The following AP2B1 variants were observed in gnomAD, a reference collection of about 807,000 sequenced individuals.
The protein encoded by AP2B1 is AP-2 complex subunit beta.
A neutral mutation model predicts 102.0 loss-of-function variants in AP2B1; 23 were observed. That is an observed-to-expected ratio of 0.23 (90% CI 0.16 to 0.32). AP2B1 has a LOEUF of 0.32. Among genes scored for constraint, AP2B1 ranks in the 10% least tolerant of loss-of-function variants. AP2B1 has a pLI of 1.00. For synonymous variants in AP2B1, 381 were observed against 421.2 expected (o/e 0.90, Z 1.17); for missense variants, 541 against 1,157.4 (o/e 0.47, Z 7.73).
At chr17:35,699,972 T>C (rs1324567466) in intron 18 of AP2B1, among the ~76,000 whole-genome samples, 1 of 152,104 alleles carries the variant, frequency 6.6e-6, no homozygotes, top group Non-Finnish European at 1.5e-5. Flanking sequence ...GGCACATGCG[T>C]GTAGTTTCAG....
At chr17:35,628,756 T>C (rs191717265) in intron 9 of AP2B1, among the ~76,000 whole-genome samples, 7 of 152,366 alleles carry the variant, frequency 4.6e-5, no homozygotes, top group African/African-American at 1.7e-4. Flanking sequence ...TTTTCCAGTG[T>C]AGTTACATAA....
Position 35,605,697 on chromosome 17 carries a change from C to T in AP2B1, c.144-8C>T, listed in dbSNP as rs372560437. 1.6e-5 allele frequency: 25 copies of T among 1,602,196 alleles called. No homozygotes were observed. The highest frequency in any genetic ancestry group is 1.2e-4 in the Admixed American group (7 of 58,422). The stretch of plus-strand genomic sequence containing the variant: ...ACTTTCCTTTTCTCTTTTACCCTCT[C>T]TTCTCAGTTCTCTCTTTCCAGACGT... On this transcript the variant is annotated splice_region_variant and splice_polypyrimidine_tract_variant and intron_variant, in intron 3 of 21. Transcript: ENST00000610402.
intron 17 of AP2B1, among the ~76,000 whole-genome samples, chr17:35,677,584 T>C (rs533171406): frequency 6.6e-6 from 1 of 152,290 alleles, no homozygotes; most frequent in African/African-American, 2.4e-5. Flanking sequence ...TTTTGGCTAT[T>C]CTTGGTCTTT....
At chr17:35,678,108 C>T (rs9635770) in intron 17 of AP2B1, among the ~76,000 whole-genome samples, 72,931 of 151,918 alleles carry the variant, frequency 0.48, 17,575 homozygotes, top group East Asian at 0.52. Flanking sequence ...GATCTGCCTG[C>T]CCTTGGCCTC....
chr17:35,718,989 C>G (rs1555591518), intron 21 of AP2B1, among the ~76,000 whole-genome samples: 1 of 151,990 alleles, frequency 6.6e-6, no homozygotes, highest in African/African-American at 2.4e-5. Flanking sequence ...ACACAATATT[C>G]TTGATTTTGA....
chr17:35,611,643 TCAG>T (rs1260498072), intron 5 of AP2B1, among the ~76,000 whole-genome samples: 1 of 152,208 alleles, frequency 6.6e-6, no homozygotes, highest in Non-Finnish European at 1.5e-5. Flanking sequence ...GTCCATAAAA[TCAG>T]GTGGCATACG....
At chr17:35,661,002 G>A (rs1246957753) in intron 14 of AP2B1, among the ~76,000 whole-genome samples, 2 of 152,156 alleles carry the variant, frequency 1.3e-5, no homozygotes, top group Non-Finnish European at 2.9e-5. Flanking sequence ...TTGGGAAGCA[G>A]CGTTTAGGTT....
rs916101841 is a variant in AP2B1 at position 35,679,629 on chromosome 17, T to G, written c.2325-3066T>G. 2.6e-5 allele frequency among the ~76,000 whole-genome samples: 4 copies of G among 152,162 alleles called. No homozygotes were observed. In the South Asian group the frequency reaches 8.3e-4, roughly 31 times the overall value. On this transcript the variant is annotated intron_variant, in intron 17 of 21. Transcript: ENST00000610402. The stretch of plus-strand genomic sequence containing the variant: ...GTGAAATTACAGCTTTATAGGGACT[T>G]TTTCCCCCTTGTTTGTTTCCTCTAT...
At chr17:35,589,497 C>T (rs2073013904) in intron 1 of AP2B1, among the ~76,000 whole-genome samples, 1 of 152,150 alleles carries the variant, frequency 6.6e-6, no homozygotes, top group East Asian at 1.9e-4. Context: ...TGCTCAGTTT[C>T]TCTTTTGGGG....
intron 5 of AP2B1, among the ~76,000 whole-genome samples, chr17:35,623,553 A>G (rs2074241079): frequency 1.3e-5 from 2 of 152,188 alleles, no homozygotes; most frequent in African/African-American, 4.8e-5. Context: ...CATTTGAAAT[A>G]CTGTATTTCA....
chr17:35,717,139 G>A (rs1425952657), intron 20 of AP2B1, 56 bp from the exon 21 acceptor site: 45 of 1,582,656 alleles, frequency 2.8e-5, no homozygotes, highest in Non-Finnish European at 3.8e-5. Flanking sequence ...AGAAGAGAGT[G>A]TACATTTGTT....
chr17:35,681,502 CAAGT>C (rs2075821692), intron 17 of AP2B1, among the ~76,000 whole-genome samples: 1 of 152,220 alleles, frequency 6.6e-6, no homozygotes, highest in Non-Finnish European at 1.5e-5. Flanking sequence ...TGGGATCAAG[CAAGT>C]GATTCTCCTA....
chr17:35,591,171 CAAAAAAAAAA>C (rs35271211), intron 1 of AP2B1, among the ~76,000 whole-genome samples: 1,803 of 68,964 alleles, frequency 0.026, 25 homozygotes, highest in Non-Finnish European at 0.042. Context: ...GATTTTGTCT[CAAAAAAAAAA>C]AAAAAAAAAA....
chr17:35,633,522 A>G (rs1477316094), intron 9 of AP2B1, among the ~76,000 whole-genome samples: 1 of 152,192 alleles, frequency 6.6e-6, no homozygotes, highest in Non-Finnish European at 1.5e-5. Context: ...AGAAATTTTC[A>G]GGTGTACAAT....
rs1597991404 is a variant in AP2B1 at position 35,601,450 on chromosome 17, C to T, written c.143+3115C>T. 3.3e-5 allele frequency among the ~76,000 whole-genome samples: 5 copies of T among 152,332 alleles called. No individual in the cohort carries two copies. In the South Asian group the frequency reaches 8.3e-4, roughly 25 times the overall value. ...GTTCAAGGGATTCTCCTGCCTCAGCCTCCTGAGTAGCTGGTACTGTATATG... is the reference window on the plus strand; with the variant it reads ...GTTCAAGGGATTCTCCTGCCTCAGCTTCCTGAGTAGCTGGTACTGTATATG... On this transcript the variant is annotated intron_variant, in intron 3 of 21. Transcript: ENST00000610402.
intron 2 of AP2B1, among the ~76,000 whole-genome samples, chr17:35,595,392 T>A (rs225301): frequency 0.79 from 120,293 of 151,718 alleles, 48,300 homozygotes; most frequent in East Asian, 0.97. Flanking sequence ...AAAAAAAATT[T>A]AAAAATTAGC....
chr17:35,589,881 T>A (rs898474600), intron 1 of AP2B1, among the ~76,000 whole-genome samples: 2 of 152,100 alleles, frequency 1.3e-5, no homozygotes, highest in African/African-American at 4.8e-5. Flanking sequence ...ATATTAGATT[T>A]TTTTTTTCTT....
chr17:35,697,317 G>T (rs1598312972), intron 18 of AP2B1, among the ~76,000 whole-genome samples: 1 of 152,330 alleles, frequency 6.6e-6, no homozygotes, highest in East Asian at 1.9e-4. Context: ...CATAGCACAT[G>T]TTAACTGTGC....
At chr17:35,706,068 G>T (rs2076334931) in intron 18 of AP2B1, among the ~76,000 whole-genome samples, 1 of 152,090 alleles carries the variant, frequency 6.6e-6, no homozygotes, top group East Asian at 1.9e-4. Flanking sequence ...CTGATGTGTG[G>T]GTATCCTAGC....
Sources: allele counts gnomAD v4.1 joint callset (sites outside exome capture counted in the v4.1 genomes callset), GRCh38; gene constraint gnomAD v4.1.1; transcripts MANE v1.5; gene names NCBI Gene and HGNC (gene_info 2026-07-23, HGNC 2026-07-21).